Variants in SGCD observed in about 807,000 individuals in gnomAD.
SGCD encodes the protein sarcoglycan delta.
A neutral mutation model predicts 36.6 loss-of-function variants in SGCD; 18 were observed. The ratio of observed to expected loss-of-function variants is 0.49; its 90% CI spans 0.34 to 0.73. The LOEUF is 0.73. Ranked by LOEUF, SGCD falls within the 30% of genes least tolerant of loss-of-function variation. The probability of loss-of-function intolerance (pLI) is 0.01; values close to 1 mark genes in which losing one functional copy is unlikely to be tolerated. For synonymous variants in SGCD, 133 were observed against 130.6 expected (o/e 1.02, Z -0.12); for missense variants, 387 against 346.7 (o/e 1.12, Z -0.92).
At chr5:155,825,767 G>A in the SGCD span, among the ~76,000 whole-genome samples, 1 of 137,616 alleles carries the variant, frequency 7.3e-6, no homozygotes, top group Non-Finnish European at 1.6e-5. Context: ...GTTGTTTTTT[G>A]AGACAGGGTC....
At chr5:156,008,944 A>T (rs549677940) in intron 1 of SGCD, among the ~76,000 whole-genome samples, 1 of 152,218 alleles carries the variant, frequency 6.6e-6, no homozygotes, top group Non-Finnish European at 1.5e-5. Flanking sequence ...TCATATTTTA[A>T]TGCTTTGGAA....
rs116838658 is a variant in SGCD, at chr5:156,447,679, C to T, written c.193-60922C>T. On this transcript the variant is annotated intron_variant, in intron 3 of 8. Coordinates refer to ENST00000337851, the MANE Select transcript of SGCD (RefSeq NM_000337.6). ...AAGTTGATGGAGGGTGGGAGAGCAT[C>T]GAGAAAAATAGCTAATGCACGCAGG... Among the ~76,000 whole-genome samples, 1,438 of 152,102 alleles carry T rather than the reference C, an allele frequency of 9.5e-3. 27 individuals carry two copies. The highest frequency in any genetic ancestry group is 0.033 in the African/African-American group (1,365 of 41,486).
intron 7 of SGCD, among the ~76,000 whole-genome samples, chr5:156,679,661 T>TA (rs1431908815): frequency 6.6e-6 from 1 of 152,222 alleles, no homozygotes; most frequent in African/African-American, 2.4e-5. Flanking sequence ...ACTAAAATTT[T>TA]AAAAAAGCAA....
At chr5:155,859,342 C>T in the SGCD span, among the ~76,000 whole-genome samples, 1 of 152,084 alleles carries the variant, frequency 6.6e-6, no homozygotes, top group Non-Finnish European at 1.5e-5. Flanking sequence ...GCTGGGATTA[C>T]AGGCATGAGC....
At chr5:156,102,654 C>T (rs1432818651) in intron 1 of SGCD, among the ~76,000 whole-genome samples, 1 of 152,164 alleles carries the variant, frequency 6.6e-6, no homozygotes, top group Non-Finnish European at 1.5e-5. Flanking sequence ...TGCTGAGAAG[C>T]ACATACAAGT....
chr5:156,430,264 G>A (rs10037608), intron 3 of SGCD, among the ~76,000 whole-genome samples: 3,914 of 152,052 alleles, frequency 0.026, 183 homozygotes, highest in African/African-American at 0.089. Context: ...TTATCTTCTA[G>A]CTCTGAAATT....
chr5:156,349,524 C>T lies in SGCD; in HGVS notation c.192+4847C>T, dbSNP rs150489830. 1.1e-3 allele frequency among the ~76,000 whole-genome samples: 171 copies of T among 151,792 alleles called. 1 individual carries two copies. The highest frequency in any genetic ancestry group is 2.0e-3 in the Non-Finnish European group (136 of 67,912). On this transcript the variant is annotated intron_variant, in intron 3 of 8. Coordinates refer to ENST00000337851, the MANE Select transcript of SGCD (RefSeq NM_000337.6). The stretch of plus-strand genomic sequence containing the variant: ...AACAGATCTAATCATTAGAGAAATG[C>T]AAATTAAAACCACAATGAGATACCA...
At position 156,276,299 on chromosome 5, in the gene SGCD, G is replaced by C. The variant is rs564678071; in HGVS notation, c.-43-53235G>C. On this transcript the variant is annotated intron_variant, in intron 3 of 9. Transcript: ENST00000517913. ...CACGAGATAATGGACAGCTTGCTGA[G>C]AGACAGGTCAAAATTATGAAAGAAG... 7.9e-5 allele frequency among the ~76,000 whole-genome samples: 12 copies of C among 152,292 alleles called. No individual in the cohort carries two copies. In the South Asian group the frequency reaches 2.5e-3, roughly 32 times the overall value.
chr5:156,173,534 G>T (rs1355728918), intron 3 of SGCD, among the ~76,000 whole-genome samples: 1 of 151,738 alleles, frequency 6.6e-6, no homozygotes, highest in East Asian at 1.9e-4. Flanking sequence ...GTTACATCCA[G>T]GGGAAAAAAA....
At chr5:156,172,447 T>G (rs1311971972) in intron 3 of SGCD, among the ~76,000 whole-genome samples, 2 of 152,226 alleles carry the variant, frequency 1.3e-5, no homozygotes, top group Non-Finnish European at 2.9e-5. Context: ...TTCTTAACTG[T>G]GATCTTGGCA....
intron 3 of SGCD, among the ~76,000 whole-genome samples, chr5:156,506,829 A>G (rs764766926): frequency 1.3e-5 from 2 of 152,226 alleles, no homozygotes; most frequent in Non-Finnish European, 2.9e-5. Flanking sequence ...AACTCTGTCA[A>G]TTCCTCTACA....
intron 3 of SGCD, among the ~76,000 whole-genome samples, chr5:156,186,730 A>T (rs1763770880): frequency 6.6e-6 from 1 of 152,172 alleles, no homozygotes; most frequent in Non-Finnish European, 1.5e-5. Flanking sequence ...AACTTGTCAC[A>T]TCTGAACTTG....
chr5:155,952,539 C>G (rs1294810616), intron 1 of SGCD, among the ~76,000 whole-genome samples: 2 of 151,954 alleles, frequency 1.3e-5, no homozygotes, highest in Non-Finnish European at 2.9e-5. Context: ...AAAGACGTAC[C>G]CTGTTTGAAA....
the SGCD span, among the ~76,000 whole-genome samples, chr5:155,862,662 C>A: frequency 6.6e-6 from 1 of 152,200 alleles, no homozygotes; most frequent in Non-Finnish European, 1.5e-5. Flanking sequence ...CTTTTGAATG[C>A]AGCCTTGCTG....
At chr5:156,685,078 G>A (rs57380802) in intron 7 of SGCD, among the ~76,000 whole-genome samples, 3,649 of 152,166 alleles carry the variant, frequency 0.024, 155 homozygotes, top group African/African-American at 0.083. Context: ...GGAAAGAAAC[G>A]TTTCTCAAAG....
intron 6 of SGCD, among the ~76,000 whole-genome samples, chr5:156,626,186 G>A (rs1762435267): frequency 6.6e-6 from 1 of 152,186 alleles, no homozygotes; most frequent in Non-Finnish European, 1.5e-5. Flanking sequence ...GTGGGCTAGA[G>A]GAAAAGTATG....
At chr5:156,656,980 T>C (rs1258043861) in intron 7 of SGCD, among the ~76,000 whole-genome samples, 1 of 152,212 alleles carries the variant, frequency 6.6e-6, no homozygotes, top group Non-Finnish European at 1.5e-5. Flanking sequence ...AGTCTGTGTG[T>C]ATCATTGGGA....
the SGCD span, among the ~76,000 whole-genome samples, chr5:155,858,584 T>A: frequency 3.9e-4 from 59 of 152,336 alleles, no homozygotes; most frequent in Non-Finnish European, 7.2e-4. Flanking sequence ...AAATCAACTT[T>A]TTTTCACTGT....
chr5:156,366,043 A>T (rs1441006882), intron 3 of SGCD, among the ~76,000 whole-genome samples: 1 of 152,244 alleles, frequency 6.6e-6, no homozygotes, highest in Non-Finnish European at 1.5e-5. Context: ...AATAAATTTC[A>T]TGTGTTCAGA....
Sources: gnomAD v4.1 joint callset for allele counts (sites outside exome capture counted in the v4.1 genomes callset) on GRCh38, gnomAD v4.1.1 for gene constraint, MANE v1.5 for transcripts, NCBI Gene and HGNC (gene_info 2026-07-23, HGNC 2026-07-21) for gene names.